Variants in PTPN5 observed in about 807,000 individuals in gnomAD.
PTPN5 encodes the protein protein tyrosine phosphatase non-receptor type 5, also known as tyrosine-protein phosphatase non-receptor type 5.
PTPN5 carries 29 observed loss-of-function variants against 73.9 expected under a neutral mutation model. That is an observed-to-expected ratio of 0.39 (90% CI 0.29 to 0.54). PTPN5 has a LOEUF of 0.54. PTPN5 is among the 20% of genes least tolerant of loss of function. The probability of loss-of-function intolerance (pLI) is 0.65; values close to 1 mark genes in which losing one functional copy is unlikely to be tolerated. For missense variants in PTPN5, 652 were observed against 751.4 expected (o/e 0.87, Z 1.55); for synonymous variants, 267 against 304.7 (o/e 0.88, Z 1.29).
intron 1 of PTPN5, among the ~76,000 whole-genome samples, chr11:18,790,958 G>A (rs548823457): frequency 4.6e-5 from 7 of 152,224 alleles, no homozygotes; most frequent in East Asian, 3.9e-4. Context: ...GCTCTGACCC[G>A]GGCAATCTCC....
chr11:18,773,309 T>C (rs1850996563), intron 1 of PTPN5, among the ~76,000 whole-genome samples: 1 of 127,930 alleles, frequency 7.8e-6, no homozygotes, highest in African/African-American at 3.0e-5. Context: ...GGTGTCTCTT[T>C]GTCAGGGAGG....
intron 1 of PTPN5, among the ~76,000 whole-genome samples, chr11:18,774,764 G>A (rs1851065370): frequency 6.6e-6 from 1 of 152,236 alleles, no homozygotes; most frequent in Admixed American, 6.5e-5. Context: ...ATTCAGCTCA[G>A]ACTCTGTGGA....
At chr11:18,770,046 G>A (rs1389610135) in intron 2 of PTPN5, among the ~76,000 whole-genome samples, 2 of 152,150 alleles carry the variant, frequency 1.3e-5, no homozygotes, top group Non-Finnish European at 2.9e-5. Context: ...GTAACACGAA[G>A]TGGGGGAGCA....
chr11:18,737,791 G>C (rs1849179893), intron 9 of PTPN5, 89 bp downstream of exon 9: 2 of 1,173,288 alleles, frequency 1.7e-6, no homozygotes, highest in African/African-American at 1.5e-5. Context: ...GTCACCCCTA[G>C]AGGCCCAGCT....
At chr11:18,734,800 G>A (rs1322589758) in intron 9 of PTPN5, among the ~76,000 whole-genome samples, 1 of 152,210 alleles carries the variant, frequency 6.6e-6, no homozygotes, top group East Asian at 1.9e-4. Context: ...TTTGTCATCA[G>A]CTCACTTGTC....
chr11:18,737,297 G>A (rs1849157595), intron 9 of PTPN5, among the ~76,000 whole-genome samples: 1 of 152,196 alleles, frequency 6.6e-6, no homozygotes. Flanking sequence ...CCTTCTAGGG[G>A]ACTGCTCGTG....
At chr11:18,765,689 C>T in intron 3 of PTPN5, 118 bp downstream of exon 3, 1 of 728,352 alleles carries the variant, frequency 1.4e-6, no homozygotes, top group South Asian at 1.5e-5. Flanking sequence ...GGAGCAGCTG[C>T]ATGGATATTC....
At chr11:18,762,571 A>C (rs1246621729) in intron 3 of PTPN5, among the ~76,000 whole-genome samples, 3 of 151,984 alleles carry the variant, frequency 2.0e-5, no homozygotes, top group Non-Finnish European at 1.5e-5. Context: ...GTTCTTTCCC[A>C]TCCCCCTCTT....
At chr11:18,768,211 A>G (rs1784473205) in intron 2 of PTPN5, among the ~76,000 whole-genome samples, 2 of 152,204 alleles carry the variant, frequency 1.3e-5, no homozygotes, top group South Asian at 4.1e-4. Context: ...TGCTTTGTGG[A>G]CGGGTCTTTG....
At chr11:18,774,252 C>T (rs559007085) in intron 1 of PTPN5, among the ~76,000 whole-genome samples, 1 of 152,210 alleles carries the variant, frequency 6.6e-6, no homozygotes, top group African/African-American at 2.4e-5. Flanking sequence ...GACTGGTGAA[C>T]AGCAGGTGCT....
rs1435976382 is a variant in PTPN5 at position 18,773,904 on chromosome 11, GCCT to G, written c.-113-1836_-113-1834del. On this transcript the variant is annotated intron_variant, in intron 1 of 14. Transcript: ENST00000358540. ...GTCACTCTGATTTCAGACCGTAACT[GCCT>G]CCTCATCACCCCCGTGACCATGAAG... 9.2e-5 allele frequency among the ~76,000 whole-genome samples: 14 copies of G among 152,208 alleles called. No individual in the cohort carries two copies. The Middle Eastern group carries it at 0.01, about 111-fold the overall frequency.
At position 18,765,865 on chromosome 11, in the gene PTPN5, G is replaced by C. The variant is rs759114689; in HGVS notation, c.39C>G (p.His13Gln). ...YEGARSERENHAADDSEGGAL... is the reference protein window; with the variant it reads ...YEGARSERENQAADDSEGGAL... ...CCCCTCCCTCGGAGTCATCAGCAGC[G>C]TGGTTCTCTCTCTCACTCCTGCAGC... Residue 13 changes from histidine (H) to glutamine (Q), a missense_variant, in exon 3 of 15, where the codon CAC becomes CAG. His to Gln is a conservative substitution (Grantham distance 24, BLOSUM62 0). Coordinates refer to ENST00000358540, the MANE Select transcript of PTPN5 (RefSeq NM_006906.2). 2 of 1,579,222 alleles carry C rather than the reference G, an allele frequency of 1.3e-6. No homozygotes were observed. Among genetic ancestry groups the C allele is most frequent in the Non-Finnish European group, 1.7e-6 (2 of 1,161,202 alleles).
intron 1 of PTPN5, among the ~76,000 whole-genome samples, chr11:18,791,023 G>T (rs1393804080): frequency 6.6e-6 from 1 of 152,152 alleles, no homozygotes; most frequent in Non-Finnish European, 1.5e-5. Flanking sequence ...TGGGGGAGGG[G>T]AGCGCGCTAA....
At chr11:18,761,581 T>G (rs1019426467) in intron 3 of PTPN5, among the ~76,000 whole-genome samples, 1 of 152,054 alleles carries the variant, frequency 6.6e-6, no homozygotes, top group African/African-American at 2.4e-5. Flanking sequence ...TGTGCACATG[T>G]GCACAGGGGT....
At chr11:18,756,958 A>G (rs1850184064) in intron 3 of PTPN5, among the ~76,000 whole-genome samples, 1 of 151,680 alleles carries the variant, frequency 6.6e-6, no homozygotes. Flanking sequence ...AAACAAAACA[A>G]AAAGAAACAG....
At chr11:18,791,828 C>T (rs1037577245), upstream of PTPN5, 1 of 152,032 alleles carries the variant, frequency 6.6e-6, no homozygotes, top group East Asian at 1.9e-4. Flanking sequence ...GGGTTTGGCA[C>T]CCCCCAGCCC....
intron 1 of PTPN5, among the ~76,000 whole-genome samples, chr11:18,776,582 T>C (rs1045958538): frequency 1.3e-5 from 2 of 152,082 alleles, no homozygotes; most frequent in African/African-American, 4.8e-5. Context: ...ATCATTCACC[T>C]CTCACTAGAA....
chr11:18,770,883 C>G (rs996959989), intron 2 of PTPN5, among the ~76,000 whole-genome samples: 5 of 152,132 alleles, frequency 3.3e-5, no homozygotes, highest in African/African-American at 1.2e-4. Flanking sequence ...CAGCTGCTGC[C>G]GTGGGCTGGG....
At chr11:18,756,672 CAGCACT>C (rs1850152549) in intron 3 of PTPN5, among the ~76,000 whole-genome samples, 1 of 151,854 alleles carries the variant, frequency 6.6e-6, no homozygotes, top group African/African-American at 2.4e-5. Context: ...CCTGTAATCC[CAGCACT>C]TTGGGAGGCC....
Sources: gnomAD v4.1 joint callset for allele counts (sites outside exome capture counted in the v4.1 genomes callset) on GRCh38, gnomAD v4.1.1 for gene constraint, MANE v1.5 for transcripts, NCBI Gene and HGNC (gene_info 2026-07-23, HGNC 2026-07-21) for gene names.